The following EPHA7 variants were observed in gnomAD, a reference collection of about 807,000 sequenced individuals.
EPHA7 encodes EPH receptor A7.
Under a neutral mutation model 112.6 loss-of-function variants are expected in EPHA7, and 25 were observed. The observed-to-expected ratio is 0.22, with a 90% CI of 0.16 to 0.31. The LOEUF is 0.31. EPHA7 is among the 10% of genes least tolerant of loss of function. EPHA7 has a pLI of 1.00. For missense variants in EPHA7, 962 were observed against 1,212.6 expected, an observed-to-expected ratio of 0.79 and a Z score of 3.07; for synonymous variants, 437 against 406.5, an observed-to-expected ratio of 1.07 and a Z score of -0.90.
At chr6:93,392,954 T>C (rs1777983755) in intron 3 of EPHA7, among the ~76,000 whole-genome samples, 1 of 151,890 alleles carries the variant, frequency 6.6e-6, no homozygotes, top group Non-Finnish European at 1.5e-5. Flanking sequence ...AACAATTACA[T>C]AAACTTATTT....
In EPHA7 at chr6:93,330,995, T is replaced by G. The variant is rs1459667023; in HGVS notation, c.1324+25722A>C. On this transcript the variant is annotated intron_variant, in intron 5 of 16. Coordinates refer to ENST00000369303, the MANE Select transcript of EPHA7 (RefSeq NM_004440.4). ...CCCACAATATTGAACATTTCTTAAC[T>G]GGCTTTTCATTAGATGATCGGTCTG... Among the ~76,000 whole-genome samples the G allele has an allele frequency of 2.0e-5, 3 of 151,434 alleles. No homozygotes were observed. The Admixed American group carries it at 2.0e-4, about 10-fold the overall frequency.
At chr6:93,386,359 A>G (rs539246078) in intron 3 of EPHA7, among the ~76,000 whole-genome samples, 2 of 152,304 alleles carry the variant, frequency 1.3e-5, no homozygotes, top group African/African-American at 4.8e-5. Context: ...AGAAGCTACA[A>G]GCCCCATGCA....
chr6:93,367,843 C>T (rs1354431165), intron 3 of EPHA7, among the ~76,000 whole-genome samples: 2 of 152,158 alleles, frequency 1.3e-5, no homozygotes, highest in East Asian at 3.9e-4. Flanking sequence ...TAGTTAAGTA[C>T]TGTGACTATT....
chr6:93,352,160 C>G (rs965343858), intron 5 of EPHA7, among the ~76,000 whole-genome samples: 1 of 152,080 alleles, frequency 6.6e-6, no homozygotes, highest in Non-Finnish European at 1.5e-5. Flanking sequence ...AAACATGACA[C>G]AGTTCCTGAT....
At chr6:93,263,474 G>T (rs1770783992) in intron 9 of EPHA7, among the ~76,000 whole-genome samples, 1 of 151,206 alleles carries the variant, frequency 6.6e-6, no homozygotes, top group Admixed American at 6.6e-5. Flanking sequence ...TTTTGTGGTA[G>T]CATCACTCAT....
At chr6:93,400,829 T>C (rs537735) in intron 3 of EPHA7, among the ~76,000 whole-genome samples, 41,919 of 151,992 alleles carry the variant, frequency 0.28, 7,135 homozygotes, top group African/African-American at 0.49. Flanking sequence ...TCAGCCGCTG[T>C]GCCTACCAAG....
At chr6:93,407,440 G>C (rs1029476437) in intron 3 of EPHA7, among the ~76,000 whole-genome samples, 14 of 152,046 alleles carry the variant, frequency 9.2e-5, no homozygotes, top group African/African-American at 2.9e-4. Context: ...CAATGCATTG[G>C]AATTATGCCA....
At chr6:93,399,453 T>G (rs1384111585) in intron 3 of EPHA7, among the ~76,000 whole-genome samples, 1 of 152,120 alleles carries the variant, frequency 6.6e-6, no homozygotes, top group Non-Finnish European at 1.5e-5. Flanking sequence ...TATTTTATTA[T>G]TTTTAAAATG....
chr6:93,399,157 A>C (rs1487411996), intron 3 of EPHA7, among the ~76,000 whole-genome samples: 2 of 152,072 alleles, frequency 1.3e-5, no homozygotes, highest in African/African-American at 4.8e-5. Context: ...GCTCCTGCAC[A>C]AATCTTCAGT....
Position 93,240,776 on chromosome 6 carries a change from T to C in EPHA7, c.*2650A>G. On this transcript the variant is annotated 3_prime_UTR_variant, in exon 17 of 17. Transcript: ENST00000369303. ...AAAAAAGATTTCAAGGTGCAAGTTGTACATTCTTATCGTTATACCATCTCA... is the reference window on the plus strand; with the variant it reads ...AAAAAAGATTTCAAGGTGCAAGTTGCACATTCTTATCGTTATACCATCTCA... 1 of 213,432 alleles carries C rather than the reference T, an allele frequency of 4.7e-6. No individual in the cohort carries two copies. Among genetic ancestry groups the C allele is most frequent in the East Asian group, 7.0e-5 (1 of 14,226 alleles). The allele number at this position is 213,432 out of a possible 1,614,324, so 13.2% of individuals were successfully genotyped here.
chr6:93,382,251 G>C (rs759517893), intron 3 of EPHA7, among the ~76,000 whole-genome samples: 1 of 152,010 alleles, frequency 6.6e-6, no homozygotes. Context: ...TGGGTAGAAG[G>C]GATGTTTTCA....
chr6:93,331,813 C>T (rs534621823), intron 5 of EPHA7, among the ~76,000 whole-genome samples: 1 of 151,642 alleles, frequency 6.6e-6, no homozygotes, highest in South Asian at 2.1e-4. Flanking sequence ...TATTTTTCAG[C>T]TACTATTGTA....
At chr6:93,301,717 C>T (rs1784850845) in intron 5 of EPHA7, among the ~76,000 whole-genome samples, 1 of 152,150 alleles carries the variant, frequency 6.6e-6, no homozygotes, top group Non-Finnish European at 1.5e-5. Flanking sequence ...TTGCCTCTCC[C>T]TTGCTCCCTA....
intron 7 of EPHA7, among the ~76,000 whole-genome samples, chr6:93,267,092 T>C (rs557596275): frequency 6.6e-6 from 1 of 151,930 alleles, no homozygotes; most frequent in African/African-American, 2.4e-5. Context: ...GCTAATAAAA[T>C]GTTTGTGTGT....
intron 5 of EPHA7, among the ~76,000 whole-genome samples, chr6:93,300,592 C>T (rs894257562): frequency 6.6e-6 from 1 of 152,076 alleles, no homozygotes; most frequent in South Asian, 2.1e-4. Context: ...TTTGCTAACA[C>T]TTAATCTGTA....
chr6:93,309,084 G>T (rs1217703314), intron 5 of EPHA7, among the ~76,000 whole-genome samples: 1 of 152,078 alleles, frequency 6.6e-6, no homozygotes, highest in Non-Finnish European at 1.5e-5. Flanking sequence ...GAGTAGCTGG[G>T]ATTACAGGCA....
intron 3 of EPHA7, among the ~76,000 whole-genome samples, chr6:93,383,819 T>G (rs1039370061): frequency 1.3e-5 from 2 of 152,066 alleles, no homozygotes; most frequent in African/African-American, 4.8e-5. Flanking sequence ...CACTTCAGCT[T>G]TCATAGTAGC....
chr6:93,406,795 AT>A (rs1339028156), intron 3 of EPHA7, among the ~76,000 whole-genome samples: 1 of 151,864 alleles, frequency 6.6e-6, no homozygotes, highest in Non-Finnish European at 1.5e-5. Context: ...AGTTACAAAA[AT>A]TGAAATATAC....
chr6:93,373,051 C>A (rs760130196), intron 3 of EPHA7, among the ~76,000 whole-genome samples: 6 of 151,852 alleles, frequency 4.0e-5, no homozygotes, highest in Non-Finnish European at 7.4e-5. Flanking sequence ...AAATAGTTGT[C>A]TGGATTAAAA....
Sources: allele counts gnomAD v4.1 joint callset (sites outside exome capture counted in the v4.1 genomes callset), GRCh38; gene constraint gnomAD v4.1.1; transcripts MANE v1.5; gene names NCBI Gene and HGNC (gene_info 2026-07-23, HGNC 2026-07-21).